The following THRB variants were observed in gnomAD, a reference collection of about 807,000 sequenced individuals.
The protein encoded by THRB is nuclear receptor subfamily 1 group A member 2.
THRB carries 12 observed loss-of-function variants against 47.8 expected under a neutral mutation model. That is an observed-to-expected ratio of 0.25 (90% CI 0.16 to 0.41). The LOEUF (loss-of-function observed/expected upper bound fraction) is 0.41, where lower values mean the gene tolerates loss of function less well. THRB is among the 10% of genes least tolerant of loss of function. The pLI is 1.00. For synonymous variants in THRB, 218 were observed against 212.2 expected (o/e 1.03, Z -0.24); for missense variants, 348 against 589.2 (o/e 0.59, Z 4.24).
chr3:24,394,108 C>T lies in THRB; in HGVS notation c.-260-56737G>A, dbSNP rs184873153. On this transcript the variant is annotated intron_variant, in intron 1 of 10. Transcript: ENST00000646209. ...AGTTAAACAATTCACTGAAAATAAT[C>T]GAGGTTGTGTGGTGGGGCCAGGATT... 3.9e-3 allele frequency among the ~76,000 whole-genome samples: 592 copies of T among 152,138 alleles called. 1 individual carries two copies. Among genetic ancestry groups the T allele is most frequent in the Non-Finnish European group, 5.5e-3 (373 of 67,984 alleles).
At chr3:24,242,614 C>A (rs1422889244) in intron 3 of THRB, among the ~76,000 whole-genome samples, 1 of 152,160 alleles carries the variant, frequency 6.6e-6, no homozygotes, top group Non-Finnish European at 1.5e-5. Context: ...CTGCTCCTTG[C>A]ACAATGCCTG....
intron 1 of THRB, among the ~76,000 whole-genome samples, chr3:24,478,803 A>G (rs1054416465): frequency 6.6e-6 from 1 of 152,166 alleles, no homozygotes; most frequent in African/African-American, 2.4e-5. Flanking sequence ...AGCAGCTATA[A>G]CTGATGAAAA....
Position 24,366,800 on chromosome 3 carries a change from T to C in THRB, c.-260-29429A>G, listed in dbSNP as rs1003575303. ...CACACCAGGTTAATTTTTGTATTTT[T>C]AGTAGAGATGAAGTTTCACCATGTT... On this transcript the variant is annotated intron_variant, in intron 1 of 10. Coordinates refer to ENST00000646209, the MANE Select transcript of THRB (RefSeq NM_001354712.2). Among the ~76,000 whole-genome samples, 4 of 151,924 alleles carry C rather than the reference T, an allele frequency of 2.6e-5. No homozygotes were observed. In the South Asian group the frequency reaches 8.3e-4, roughly 32 times the overall value.
chr3:24,192,219 CAT>C (rs2043438708), intron 4 of THRB, among the ~76,000 whole-genome samples: 1 of 152,148 alleles, frequency 6.6e-6, no homozygotes, highest in South Asian at 2.1e-4. Flanking sequence ...TCGAGCTAAA[CAT>C]ATCCATGTGT....
chr3:24,352,895 T>C (rs919452786), intron 1 of THRB, among the ~76,000 whole-genome samples: 1 of 152,192 alleles, frequency 6.6e-6, no homozygotes, highest in African/African-American at 2.4e-5. Context: ...ACTTTAGGTA[T>C]AGATTGCTTT....
intron 3 of THRB, among the ~76,000 whole-genome samples, chr3:24,251,934 T>C (rs1282748914): frequency 6.6e-6 from 1 of 152,074 alleles, no homozygotes; most frequent in East Asian, 1.9e-4. Flanking sequence ...AAATGACTCT[T>C]GGAAAAATTA....
intron 1 of THRB, among the ~76,000 whole-genome samples, chr3:24,422,841 C>G (rs186743336): frequency 6.6e-6 from 1 of 151,932 alleles, no homozygotes; most frequent in South Asian, 2.1e-4. Context: ...CATGCCACCC[C>G]CTCTTGAAAA....
intron 2 of THRB, among the ~76,000 whole-genome samples, chr3:24,315,621 A>G (rs1057158538): frequency 6.6e-6 from 1 of 152,192 alleles, no homozygotes; most frequent in Non-Finnish European, 1.5e-5. Context: ...AGCTTGTGGT[A>G]ACCTAAACCC....
intron 3 of THRB, among the ~76,000 whole-genome samples, chr3:24,249,364 T>C (rs2050425697): frequency 6.6e-6 from 1 of 152,188 alleles, no homozygotes; most frequent in Admixed American, 6.5e-5. Flanking sequence ...TTCTGATCTT[T>C]TCCCCCTTAT....
intron 2 of THRB, among the ~76,000 whole-genome samples, chr3:24,298,157 T>C (rs1044942678): frequency 6.6e-6 from 1 of 152,262 alleles, no homozygotes; most frequent in Non-Finnish European, 1.5e-5. Flanking sequence ...AGGATATTTA[T>C]TTATTTATTT....
intron 2 of THRB, among the ~76,000 whole-genome samples, chr3:24,329,554 G>A (rs1263270570): frequency 6.6e-6 from 1 of 152,124 alleles, no homozygotes; most frequent in Non-Finnish European, 1.5e-5. Context: ...TCTTTTGACT[G>A]CCACATCTGG....
chr3:24,152,585 C>G (rs2037134465), intron 5 of THRB, 95 bp from the exon 6 acceptor site: 1 of 744,762 alleles, frequency 1.3e-6, no homozygotes, highest in Non-Finnish European at 2.4e-6. Context: ...ACAAAATTGG[C>G]TTGCCAGGAA....
Position 24,490,612 on chromosome 3 carries a change from A to G in THRB, c.-261+4040T>C, listed in dbSNP as rs148842992. On this transcript the variant is annotated intron_variant, in intron 1 of 10. Transcript: ENST00000646209. The stretch of plus-strand genomic sequence containing the variant: ...ACTGCCCTGCAGGGTGATAAGAGCT[A>G]TATAGACTAAAGCCCAAAGCATCAG... Among the ~76,000 whole-genome samples the G allele has an allele frequency of 1.8e-4, 28 of 152,312 alleles. No homozygotes were observed. In the East Asian group the frequency reaches 5.2e-3, roughly 28 times the overall value.
chr3:24,248,461 T>C (rs1336634198), intron 3 of THRB, among the ~76,000 whole-genome samples: 1 of 152,212 alleles, frequency 6.6e-6, no homozygotes, highest in Non-Finnish European at 1.5e-5. Context: ...ATAAAACTAC[T>C]GAGTTTTTGA....
At chr3:24,190,415 T>C (rs999912517) in intron 4 of THRB, 81 bp from the exon 5 acceptor site, 21 of 1,561,404 alleles carry the variant, frequency 1.3e-5, no homozygotes, top group Non-Finnish European at 1.9e-5. Context: ...GGAAGGCAAG[T>C]TGTTTCTCAA....
In THRB at chr3:24,243,312, G is replaced by A. The variant is rs190667095; in HGVS notation, c.-42-14311C>T. 3.0e-4 allele frequency among the ~76,000 whole-genome samples: 46 copies of A among 152,052 alleles called. No homozygotes were observed. In the East Asian group the frequency reaches 8.4e-3, roughly 28 times the overall value. The stretch of plus-strand genomic sequence containing the variant: ...AATGGCATTCCAACAGGTAGGATAC[G>A]ATTCCGCTCCTGTCACCCCTCTGCT... On this transcript the variant is annotated intron_variant, in intron 3 of 10. Transcript: ENST00000646209.
chr3:24,317,165 GTAAGTA>G (rs926046176), intron 2 of THRB, among the ~76,000 whole-genome samples: 1 of 152,186 alleles, frequency 6.6e-6, no homozygotes, highest in Non-Finnish European at 1.5e-5. Context: ...TATGGGGTCT[GTAAGTA>G]TGAGTTTGTG....
chr3:24,188,773 C>CACAT (rs1491045185), intron 5 of THRB, among the ~76,000 whole-genome samples: 1 of 142,378 alleles, frequency 7.0e-6, no homozygotes, highest in African/African-American at 2.6e-5. Context: ...CACACACACA[C>CACAT]ATACGTCCTA....
intron 1 of THRB, among the ~76,000 whole-genome samples, chr3:24,467,541 T>C (rs770285093): frequency 6.6e-5 from 10 of 152,258 alleles, no homozygotes; most frequent in Non-Finnish European, 1.2e-4. Context: ...AATTACTCTT[T>C]GATCCATAGG....
Sources: allele counts gnomAD v4.1 joint callset (sites outside exome capture counted in the v4.1 genomes callset), GRCh38; gene constraint gnomAD v4.1.1; transcripts MANE v1.5; gene names NCBI Gene and HGNC (gene_info 2026-07-23, HGNC 2026-07-21).